The following S100A1 variants were observed in gnomAD, a reference collection of about 807,000 sequenced individuals.
The protein encoded by S100A1 is protein S100-A1.
In S100A1, 3 loss-of-function variants were observed where a neutral mutation model predicts 7.6. The observed-to-expected ratio is 0.40, with a 90% CI of 0.18 to 1.02. The LOEUF (loss-of-function observed/expected upper bound fraction) is 1.02. Among genes scored for constraint, S100A1 ranks in the 50% least tolerant of loss-of-function variants. The probability of loss-of-function intolerance (pLI) is 0.35; values close to 1 mark genes in which losing one functional copy is unlikely to be tolerated. For missense variants in S100A1, 126 were observed against 115.0 expected (o/e 1.10, Z -0.44); for synonymous variants, 49 against 49.0 (o/e 1.00, Z 0.00).
rs1265878471 is a variant in S100A1 at position 153,631,977 on chromosome 1, C to T, written c.*136C>T. Reference sequence around the variant, plus strand: ...ACCCCACCCCCACCCCCACCAAGGGCGCAAGAGTAGCGGTCCAAGCCTGCA... The same window carrying T: ...ACCCCACCCCCACCCCCACCAAGGGTGCAAGAGTAGCGGTCCAAGCCTGCA... On this transcript the variant is annotated 3_prime_UTR_variant, in exon 3 of 3. Coordinates refer to ENST00000292169, the MANE Select transcript of S100A1 (RefSeq NM_006271.2). 4.1e-6 allele frequency: 4 copies of T among 981,996 alleles called. No homozygotes were observed. The Admixed American group carries it at 9.2e-5, about 23-fold the overall frequency. 60.8% of individuals were successfully genotyped at this position (981,996 alleles called of 1,614,324 possible). A position where few individuals can be genotyped will look rare whatever the true frequency, so the allele number is the denominator to read the frequency against.
chr1:153,629,389 C>T (rs1218267907), intron 1 of S100A1: 1 of 152,272 alleles, frequency 6.6e-6, no homozygotes, highest in African/African-American at 2.4e-5. Flanking sequence ...CATTGAAGAA[C>T]TGGGATGTCA....
intron 2 of S100A1, 45 bp downstream of exon 2, chr1:153,630,707 G>A (rs186211126): frequency 2.9e-5 from 47 of 1,603,518 alleles, no homozygotes; most frequent in Non-Finnish European, 2.6e-5. Flanking sequence ...GTGAAGGTTG[G>A]GGGAATGGGG....
rs968899521 is a variant in S100A1 at position 153,632,015 on chromosome 1, T to C, written c.*174T>C. On this transcript the variant is annotated 3_prime_UTR_variant, in exon 3 of 3. Transcript: ENST00000292169. Reference sequence around the variant, plus strand: ...GTCCAAGCCTGCAACTCATCTTTCATTAAAGGCTTCTCTCTCACCAGCCAT... The same window carrying C: ...GTCCAAGCCTGCAACTCATCTTTCACTAAAGGCTTCTCTCTCACCAGCCAT... 158 of 661,238 alleles carry C rather than the reference T, an allele frequency of 2.4e-4. No individual in the cohort carries two copies. The highest frequency in any genetic ancestry group is 3.4e-4 in the Non-Finnish European group (138 of 403,194). 41.0% of individuals were successfully genotyped at this position (661,238 alleles called of 1,614,324 possible).
intron 1 of S100A1, 124 bp from the exon 2 acceptor site, chr1:153,630,385 G>C (rs3790411): frequency 0.56 from 677,100 of 1,209,234 alleles, 191,948 homozygotes; most frequent in Admixed American, 0.7. Context: ...ATCAATTGCA[G>C]TAGGGCTCTA....
intron 2 of S100A1, chr1:153,631,274 A>T: frequency 1.6e-6 from 1 of 619,238 alleles, no homozygotes; most frequent in Non-Finnish European, 2.8e-6. Flanking sequence ...TTGAGGTTTT[A>T]TTGGACTGGG....
intron 1 of S100A1, chr1:153,628,744 CCCA>C (rs1205641811): frequency 3.2e-6 from 2 of 622,766 alleles, no homozygotes; most frequent in Non-Finnish European, 5.1e-6. Flanking sequence ...CAGTGGGGAA[CCCA>C]CCATGAGCTT....
chr1:153,630,906 C>T (rs999531772), intron 2 of S100A1: 4 of 496,966 alleles, frequency 8.0e-6, no homozygotes, highest in African/African-American at 7.7e-5. Context: ...ATAAGACACA[C>T]AGACTTAGAA....
At position 153,630,544 on chromosome 1, in the gene S100A1, C is replaced by T. The variant is rs768003664; in HGVS notation, c.23C>T (p.Ala8Val). 3.2e-5 allele frequency: 51 copies of T among 1,614,060 alleles called. No individual in the cohort carries two copies. The highest frequency in any genetic ancestry group is 1.6e-4 in the Middle Eastern group (1 of 6,082). MGSELET[A>V]METLINVFHA... is the part of the protein sequence containing the mutation. The stretch of plus-strand genomic sequence containing the variant: ...GCAATGGGCTCTGAGCTGGAGACGG[C>T]GATGGAGACCCTCATCAACGTGTTC... The change falls in exon 2 of 3, where the codon GCG (alanine) becomes GTG (valine). Residue 8 changes from alanine to valine, a missense_variant. By Grantham distance (64) the Ala-to-Val change is moderately conservative. Coordinates refer to ENST00000292169, the MANE Select transcript of S100A1 (RefSeq NM_006271.2).
At chr1:153,630,356 T>C (rs1294561685) in intron 1 of S100A1, 153 bp from the exon 2 acceptor site, 1 of 970,000 alleles carries the variant, frequency 1.0e-6, no homozygotes, top group African/African-American at 1.6e-5. Context: ...TCCCTCACAT[T>C]GTAAAATCTC....
At position 153,630,605 on chromosome 1, in the gene S100A1, G is replaced by A. The variant is rs141525153; in HGVS notation, c.84G>A (p.Lys28=). The part of the protein sequence containing the change: ...AHSGKEGDKY[K]LSKKELKELL... ...CGGGCAAAGAGGGGGACAAGTACAA[G>A]CTGAGCAAGAAGGAGCTGAAAGAGC... The change falls in exon 2 of 3, where the codon AAG becomes AAA. Residue 28 remains lysine (K), a synonymous_variant. Transcript: ENST00000292169. 157 of 1,614,268 alleles carry A rather than the reference G, an allele frequency of 9.7e-5. No homozygotes were observed. The highest frequency in any genetic ancestry group is 1.2e-4 in the Non-Finnish European group (145 of 1,180,054).
intron 2 of S100A1, 111 bp downstream of exon 2, chr1:153,630,773 T>C (rs1251431040): frequency 3.3e-5 from 47 of 1,405,154 alleles, no homozygotes; most frequent in Non-Finnish European, 4.2e-5. Context: ...AGCCTCTTTC[T>C]TTCCTTTCCC....
chr1:153,630,724 C>G, intron 2 of S100A1, 62 bp downstream of exon 2: 1 of 1,581,410 alleles, frequency 6.3e-7, no homozygotes, highest in Non-Finnish European at 8.6e-7. Context: ...GGGGTGGACA[C>G]CCCCTTGCTA....
intron 1 of S100A1, chr1:153,630,070 C>G (rs774387103): frequency 4.3e-4 from 84 of 193,614 alleles, no homozygotes; most frequent in Non-Finnish European, 7.3e-5. Flanking sequence ...ACACCCCAGC[C>G]CACCACCCTC....
chr1:153,630,121 G>A (rs529415179), intron 1 of S100A1: 1 of 302,246 alleles, frequency 3.3e-6, no homozygotes, highest in African/African-American at 2.1e-5. Flanking sequence ...AAGGTCCAGG[G>A]TAAAAATAGA....
Position 153,631,863 on chromosome 1 carries a change from C to A in S100A1, c.*22C>A. On this transcript the variant is annotated 3_prime_UTR_variant, in exon 3 of 3. Transcript: ENST00000292169. Reference sequence around the variant, plus strand: ...TTGAGCAGACAGCCACATTGGGCAGCGCCCTTCCTCTCCACCCTCCCAGAC... The same window carrying A: ...TTGAGCAGACAGCCACATTGGGCAGAGCCCTTCCTCTCCACCCTCCCAGAC... The A allele has an allele frequency of 6.2e-7, 1 of 1,609,846 alleles. No individual in the cohort carries two copies. Among genetic ancestry groups the A allele is most frequent in the Non-Finnish European group, 8.5e-7 (1 of 1,178,436 alleles).
rs761375667 is a variant in S100A1 at position 153,630,620 on chromosome 1, G to A, written c.99G>A (p.Glu33=). 6.2e-7 allele frequency: 1 copy of A among 1,614,248 alleles called. No homozygotes were observed. The highest frequency in any genetic ancestry group is 1.1e-5 in the South Asian group (1 of 91,086). The change falls in exon 2 of 3, where the codon GAG becomes GAA. Residue 33 remains glutamate, a synonymous_variant. Coordinates refer to ENST00000292169, the MANE Select transcript of S100A1 (RefSeq NM_006271.2). ...EGDKYKLSKK[E]LKELLQTELS... ...ACAAGTACAAGCTGAGCAAGAAGGA[G>A]CTGAAAGAGCTGCTGCAGACGGAGC...
chr1:153,631,880 C>T lies in S100A1; in HGVS notation c.*39C>T, dbSNP rs763941372. The T allele has an allele frequency of 2.5e-6, 4 of 1,601,134 alleles. No homozygotes were observed. The East Asian group carries it at 8.9e-5, about 36-fold the overall frequency. On this transcript the variant is annotated 3_prime_UTR_variant, in exon 3 of 3. Coordinates refer to ENST00000292169, the MANE Select transcript of S100A1 (RefSeq NM_006271.2). ...TTGGGCAGCGCCCTTCCTCTCCACC[C>T]TCCCAGACCTGCCTCTTCCCCCTGC... is the stretch of plus-strand genomic sequence containing the variant.
At chr1:153,630,699 G>T (rs917423813) in intron 2 of S100A1, 37 bp downstream of exon 2, 1 of 1,608,164 alleles carries the variant, frequency 6.2e-7, no homozygotes. Flanking sequence ...TGGAGTGGGT[G>T]AAGGTTGGGG....
At chr1:153,631,525 T>C (rs748792797) in intron 2 of S100A1, 173 bp from the exon 3 acceptor site, 26 of 1,613,608 alleles carry the variant, frequency 1.6e-5, no homozygotes, top group Middle Eastern at 1.6e-4. Context: ...AAAGAGCTTA[T>C]GCTGTAGGCA....
Sources: allele counts gnomAD v4.1 joint callset, GRCh38; gene constraint gnomAD v4.1.1; transcripts MANE v1.5; gene names NCBI Gene and HGNC (gene_info 2026-07-23, HGNC 2026-07-21).